The following SLC25A31 variants were observed in gnomAD, a reference collection of about 807,000 sequenced individuals.
SLC25A31 encodes the protein solute carrier family 25 member 31.
A neutral mutation model predicts 36.2 loss-of-function variants in SLC25A31; 40 were observed. That is an observed-to-expected ratio of 1.10 (90% CI 0.86 to 1.44). SLC25A31 has a LOEUF of 1.44. SLC25A31 is among the 40% of genes most tolerant of loss of function. SLC25A31 has a pLI of 0.00. For missense variants in SLC25A31, 350 were observed against 397.1 expected, an observed-to-expected ratio of 0.88 and a Z score of 1.01; for synonymous variants, 143 against 149.7, an observed-to-expected ratio of 0.96 and a Z score of 0.32.
chr4:127,766,793 G>A (rs1732252884), intron 3 of SLC25A31, among the ~76,000 whole-genome samples: 1 of 152,174 alleles, frequency 6.6e-6, no homozygotes, highest in Non-Finnish European at 1.5e-5. Flanking sequence ...ACCTCAATTA[G>A]TAACTTCTGG....
intron 2 of SLC25A31, among the ~76,000 whole-genome samples, chr4:127,763,891 T>G (rs1344184678): frequency 6.6e-6 from 1 of 152,096 alleles, no homozygotes; most frequent in Non-Finnish European, 1.5e-5. Context: ...GCAAGCACTA[T>G]TATTAAGAAT....
At chr4:127,752,899 A>G (rs938072700) in intron 2 of SLC25A31, among the ~76,000 whole-genome samples, 1 of 152,240 alleles carries the variant, frequency 6.6e-6, no homozygotes, top group African/African-American at 2.4e-5. Context: ...AATAGATCTA[A>G]CAGATATATT....
chr4:127,768,650 A>G, intron 4 of SLC25A31, 102 bp from the exon 5 acceptor site: 1 of 962,464 alleles, frequency 1.0e-6, no homozygotes, highest in Non-Finnish European at 1.4e-6. Flanking sequence ...TTTAAGTATA[A>G]TTGGGCCCTC....
intron 2 of SLC25A31, among the ~76,000 whole-genome samples, chr4:127,762,422 G>A (rs1732157895): frequency 6.6e-6 from 1 of 152,136 alleles, no homozygotes; most frequent in African/African-American, 2.4e-5. Flanking sequence ...TAGGACTTAA[G>A]GAGGTAGGGA....
chr4:127,730,775 A>C lies in SLC25A31; in HGVS notation c.230A>C (p.Gln77Pro). 6.2e-7 allele frequency: 1 copy of C among 1,607,026 alleles called. No individual in the cohort carries two copies. Among genetic ancestry groups the C allele is most frequent in the South Asian group, 1.1e-5 (1 of 90,922 alleles). Residue 77 changes from glutamine (Q) to proline (P), a missense_variant and splice_region_variant, in exon 1 of 6, where the codon CAG becomes CCG. Coordinates refer to ENST00000281154, the MANE Select transcript of SLC25A31 (RefSeq NM_031291.4). ...TGCCTGGTGCGGATTCCTCGCGAGC[A>C]GGGTGCGTCAAGGCAGGCCGCCCCG... The part of the protein sequence containing the change: ...VDCLVRIPRE[Q>P]GFFSFWRGNL...
intron 2 of SLC25A31, among the ~76,000 whole-genome samples, chr4:127,753,493 A>T (rs1269130282): frequency 6.6e-6 from 1 of 152,166 alleles, no homozygotes; most frequent in Non-Finnish European, 1.5e-5. Flanking sequence ...GCTGAAACCT[A>T]GAAATGCAAA....
intron 1 of SLC25A31, among the ~76,000 whole-genome samples, chr4:127,733,376 A>G (rs1255361600): frequency 6.6e-6 from 1 of 152,204 alleles, no homozygotes; most frequent in Non-Finnish European, 1.5e-5. Flanking sequence ...CTAAAATCCA[A>G]AATGCTCTAA....
chr4:127,735,880 A>ATTTTTTT (rs1345012855), intron 1 of SLC25A31, among the ~76,000 whole-genome samples: 8 of 70,040 alleles, frequency 1.1e-4, no homozygotes, highest in East Asian at 8.9e-4. Context: ...TTATTTATTT[A>ATTTTTTT]TTTATTTATT....
chr4:127,749,398 C>G (rs1731883878), intron 2 of SLC25A31, among the ~76,000 whole-genome samples: 1 of 151,934 alleles, frequency 6.6e-6, no homozygotes, highest in Non-Finnish European at 1.5e-5. Flanking sequence ...TATGGACGTC[C>G]AGATTCAGGA....
chr4:127,752,811 A>G (rs989691180), intron 2 of SLC25A31, among the ~76,000 whole-genome samples: 1 of 152,228 alleles, frequency 6.6e-6, no homozygotes, highest in Admixed American at 6.5e-5. Context: ...ACTGCAATGC[A>G]TACTGCACTT....
rs1289543334 is a variant in SLC25A31 at position 127,774,207 on chromosome 4, T to C, written c.*633T>C. ...ATCTTTAAAATAAATAAAATCTTGC[T>C]AGTGTGAATATATCTTAGAACAAAA... On this transcript the variant is annotated 3_prime_UTR_variant, in exon 6 of 6. Coordinates refer to ENST00000281154, the MANE Select transcript of SLC25A31 (RefSeq NM_031291.4). The C allele has an allele frequency of 6.6e-6, 1 of 152,200 alleles. No individual in the cohort carries two copies. The allele number at this position is 152,200 out of a possible 1,614,324, so 9.4% of individuals were successfully genotyped here. A position where few individuals can be genotyped will look rare whatever the true frequency, so the allele number is the denominator to read the frequency against.
At chr4:127,744,542 T>G (rs1731787852) in intron 1 of SLC25A31, 130 bp from the exon 2 acceptor site, 3 of 787,594 alleles carry the variant, frequency 3.8e-6, no homozygotes, top group Non-Finnish European at 5.5e-6. Context: ...GACACACATT[T>G]TAGAAAACTT....
chr4:127,755,941 G>A (rs1305045120), intron 2 of SLC25A31, among the ~76,000 whole-genome samples: 1 of 152,018 alleles, frequency 6.6e-6, no homozygotes, highest in African/African-American at 2.4e-5. Context: ...GCTGAGGCAG[G>A]AGAATCGCTT....
chr4:127,730,402 C>A lies in SLC25A31; in HGVS notation c.-144C>A, dbSNP rs541707511. On this transcript the variant is annotated 5_prime_UTR_variant, in exon 1 of 6. Coordinates refer to ENST00000281154, the MANE Select transcript of SLC25A31 (RefSeq NM_031291.4). ...CGCAGCTTTTCCGCACGCGCCTCGC[C>A]GGCGCGCGGCTCTCTCAGCGTCCCA... 2 of 874,464 alleles carry A rather than the reference C, an allele frequency of 2.3e-6. No homozygotes were observed. The highest frequency in any genetic ancestry group is 1.8e-5 in the South Asian group (1 of 55,550). The allele number at this position is 874,464 out of a possible 1,614,324, so 54.2% of individuals were successfully genotyped here.
At chr4:127,743,642 G>C (rs1328401912) in intron 1 of SLC25A31, among the ~76,000 whole-genome samples, 1 of 152,164 alleles carries the variant, frequency 6.6e-6, no homozygotes, top group Non-Finnish European at 1.5e-5. Context: ...TATGAGTACT[G>C]AGAAGATTAT....
intron 5 of SLC25A31, among the ~76,000 whole-genome samples, chr4:127,772,731 A>G (rs888825251): frequency 1.4e-5 from 2 of 144,866 alleles, no homozygotes; most frequent in Non-Finnish European, 3.0e-5. Flanking sequence ...GGTTTTCAGT[A>G]TTTTCTGAGA....
intron 2 of SLC25A31, among the ~76,000 whole-genome samples, chr4:127,746,847 C>T (rs1010798289): frequency 6.6e-6 from 1 of 152,116 alleles, no homozygotes; most frequent in Admixed American, 6.6e-5. Flanking sequence ...AATCTTTGCC[C>T]ATTCCTATGT....
intron 1 of SLC25A31, among the ~76,000 whole-genome samples, chr4:127,735,892 A>ATTTTTTTT (rs869204653): frequency 2.1e-4 from 8 of 38,684 alleles, no homozygotes; most frequent in Admixed American, 4.0e-4. Context: ...TTATTTATTT[A>ATTTTTTTT]TTTATTTTTT....
At position 127,735,884 on chromosome 4, in the gene SLC25A31, A is replaced by AT. The variant is rs1168050637; in HGVS notation, c.232+5110dup. Among the ~76,000 whole-genome samples, 56 of 64,056 alleles carry AT rather than the reference A, an allele frequency of 8.7e-4. 2 individuals carry two copies. The highest frequency in any genetic ancestry group is 1.1e-3 in the Non-Finnish European group (37 of 33,016). 42.0% of individuals were successfully genotyped at this position (64,056 alleles called of 152,430 possible). On this transcript the variant is annotated intron_variant, in intron 1 of 5. Transcript: ENST00000281154. ...ATTCTTTTATTTTATTTATTTATTT[A>AT]TTTATTTATTTATTTTTTTTTTTGA... is the stretch of plus-strand genomic sequence containing the variant.
Sources: allele counts gnomAD v4.1 joint callset (sites outside exome capture counted in the v4.1 genomes callset), GRCh38; gene constraint gnomAD v4.1.1; transcripts MANE v1.5; gene names NCBI Gene and HGNC (gene_info 2026-07-23, HGNC 2026-07-21).